Variants in TLX3 observed in about 807,000 individuals in gnomAD.
The protein encoded by TLX3 is T cell leukemia homeobox 3.
TLX3 carries 11 observed loss-of-function variants against 19.6 expected under a neutral mutation model. The ratio of observed to expected loss-of-function variants is 0.56; its 90% confidence interval spans 0.35 to 0.93. The LOEUF (loss-of-function observed/expected upper bound fraction) is 0.93, where lower values mean the gene tolerates loss of function less well. Ranked by LOEUF, TLX3 falls within the 40% of genes least tolerant of loss-of-function variation. The probability of loss-of-function intolerance (pLI) is 0.01; values close to 1 mark genes in which losing one functional copy is unlikely to be tolerated. For synonymous variants in TLX3, 221 were observed against 188.1 expected (o/e 1.17, Z -1.43); for missense variants, 375 against 418.6 (o/e 0.90, Z 0.91).
chr5:171,310,523 C>T lies in TLX3; in HGVS notation c.665+130C>T, dbSNP rs1050105164. ...CCCCCCTCTGCCTCCCCCAAACACACCCCCACCCCGCCTTCGCAGATTGTA... is the reference window on the plus strand; with the variant it reads ...CCCCCCTCTGCCTCCCCCAAACACATCCCCACCCCGCCTTCGCAGATTGTA... On this transcript the variant is annotated intron_variant, in intron 2 of 2. Transcript: ENST00000296921. The T allele has an allele frequency of 2.4e-5, 27 of 1,139,912 alleles. No homozygotes were observed. The African/African-American group carries it at 4.4e-4, about 18-fold the overall frequency. 70.6% of individuals were successfully genotyped at this position (1,139,912 alleles called of 1,614,324 possible). A position where few individuals can be genotyped will look rare whatever the true frequency, so the allele number is the denominator to read the frequency against.
At position 171,311,814 on chromosome 5, in the gene TLX3, C is replaced by G. The variant is rs896171799; in HGVS notation, c.*215C>G. 1 of 378,924 alleles carries G rather than the reference C, an allele frequency of 2.6e-6. No individual in the cohort carries two copies. The highest frequency in any genetic ancestry group is 2.1e-5 in the African/African-American group (1 of 47,070). The allele number at this position is 378,924 out of a possible 1,614,324, so 23.5% of individuals were successfully genotyped here. ...ACAATCCGAGCCCCCGCCCCGCGCCCCGTCCCGCCCCAGGCCCGGGCCTGA... is the reference window on the plus strand; with the variant it reads ...ACAATCCGAGCCCCCGCCCCGCGCCGCGTCCCGCCCCAGGCCCGGGCCTGA... On this transcript the variant is annotated 3_prime_UTR_variant, in exon 3 of 3. Coordinates refer to ENST00000296921, the MANE Select transcript of TLX3 (RefSeq NM_021025.4). The surrounding 1 kb of genome is among the most constrained non-coding windows in gnomAD (Gnocchi z 5.1).
chr5:171,312,117 A>G lies in TLX3; in HGVS notation c.*518A>G, dbSNP rs1769235136. ...TTTATTTAAGTCTTTTTATTTAATA[A>G]AAAAGTTAGCTATTTCACTTAACGC... On this transcript the variant is annotated 3_prime_UTR_variant, in exon 3 of 3. Coordinates refer to ENST00000296921, the MANE Select transcript of TLX3 (RefSeq NM_021025.4). The G allele has an allele frequency of 5.6e-6, 1 of 177,216 alleles. No individual in the cohort carries two copies. Among genetic ancestry groups the G allele is most frequent in the African/African-American group, 2.4e-5 (1 of 42,174 alleles). The allele number at this position is 177,216 out of a possible 1,614,324, so 11.0% of individuals were successfully genotyped here.
In TLX3 at chr5:171,311,197, A is replaced by G. The variant is rs1309109915; in HGVS notation, c.666-192A>G. 6.6e-6 allele frequency among the ~76,000 whole-genome samples: 1 copy of G among 152,176 alleles called. No individual in the cohort carries two copies. Among genetic ancestry groups the G allele is most frequent in the Non-Finnish European group, 1.5e-5 (1 of 68,014 alleles). On this transcript the variant is annotated intron_variant, in intron 2 of 2. Transcript: ENST00000296921. The surrounding 1 kb of genome is among the most constrained non-coding windows in gnomAD (Gnocchi z 5.1). Reference sequence around the variant, plus strand: ...CCTCCTGGAGACCCTCTGGCACACAACAAAAACAAATGATCCTAACCGGCT... The same window carrying G: ...CCTCCTGGAGACCCTCTGGCACACAGCAAAAACAAATGATCCTAACCGGCT...
rs1769235168 is a variant in TLX3 at position 171,312,119 on chromosome 5, A to C, written c.*520A>C. 1 of 177,028 alleles carries C rather than the reference A, an allele frequency of 5.6e-6. No individual in the cohort carries two copies. The highest frequency in any genetic ancestry group is 1.2e-5 in the Non-Finnish European group (1 of 81,970). The allele number at this position is 177,028 out of a possible 1,614,324, so 11.0% of individuals were successfully genotyped here. A position where few individuals can be genotyped will look rare whatever the true frequency, so the allele number is the denominator to read the frequency against. ...TATTTAAGTCTTTTTATTTAATAAA[A>C]AAGTTAGCTATTTCACTTAACGCCG... On this transcript the variant is annotated 3_prime_UTR_variant, in exon 3 of 3. Transcript: ENST00000296921.
chr5:171,310,459 C>T (rs1222379857), intron 2 of TLX3, 66 bp downstream of exon 2: 2 of 1,577,780 alleles, frequency 1.3e-6, no homozygotes, highest in Admixed American at 1.7e-5. Context: ...GAGCCGCAGC[C>T]TCGCACTAGC....
At position 171,309,302 on chromosome 5, in the gene TLX3, G is replaced by A; in HGVS notation, c.-64G>A. On this transcript the variant is annotated 5_prime_UTR_variant, in exon 1 of 3. Transcript: ENST00000296921. ...GAGAGGCGCCGGGCGCTCCATGGCC[G>A]CGCCGTAACGGGGACCCAGCCGCCT... The A allele has an allele frequency of 2.2e-6, 3 of 1,371,580 alleles. No homozygotes were observed. The highest frequency in any genetic ancestry group is 2.9e-6 in the Non-Finnish European group (3 of 1,044,376). The allele number at this position is 1,371,580 out of a possible 1,614,324, so 85.0% of individuals were successfully genotyped here.
chr5:171,309,345 C>CCCCCCCCCCCTG lies in TLX3; in HGVS notation c.-21_-20insCCCCCCCCCCTG. On this transcript the variant is annotated 5_prime_UTR_variant, in exon 1 of 3. Coordinates refer to ENST00000296921, the MANE Select transcript of TLX3 (RefSeq NM_021025.4). ...AGCCGCCTCCCCGCCCAGCCCAGCC[C>CCCCCCCCCCCTG]AGCCCTTCCGCCCGCCCAGGATGGA... 1 of 1,445,122 alleles carries CCCCCCCCCCCTG rather than the reference C, an allele frequency of 6.9e-7. No homozygotes were observed. The highest frequency in any genetic ancestry group is 9.5e-7 in the Non-Finnish European group (1 of 1,058,098). 89.5% of individuals were successfully genotyped at this position (1,445,122 alleles called of 1,614,324 possible). A position where few individuals can be genotyped will look rare whatever the true frequency, so the allele number is the denominator to read the frequency against.
chr5:171,310,410 C>T lies in TLX3; in HGVS notation c.665+17C>T. 6.2e-7 allele frequency: 1 copy of T among 1,611,256 alleles called. No homozygotes were observed. The highest frequency in any genetic ancestry group is 8.5e-7 in the Non-Finnish European group (1 of 1,178,756). ...CAAGTGGCGGTGAGAGAGGCCTGAC[C>T]CGGCCCACCTTACACCTGCCCTTCA... On this transcript the variant is annotated intron_variant, in intron 2 of 2. Coordinates refer to ENST00000296921, the MANE Select transcript of TLX3 (RefSeq NM_021025.4).
rs1359493444 is a variant in TLX3 at position 171,310,487 on chromosome 5, C to A, written c.665+94C>A. 6 of 1,457,616 alleles carry A rather than the reference C, an allele frequency of 4.1e-6. No homozygotes were observed. The African/African-American group carries it at 4.2e-5, about 10-fold the overall frequency. The allele number at this position is 1,457,616 out of a possible 1,614,324, so 90.3% of individuals were successfully genotyped here. A position where few individuals can be genotyped will look rare whatever the true frequency, so the allele number is the denominator to read the frequency against. On this transcript the variant is annotated intron_variant, in intron 2 of 2. Transcript: ENST00000296921. ...GCACTAGCCCTATTTTAAGGCTATCCACTACCCCCGCCCCCCTCTGCCTCC... is the reference window on the plus strand; with the variant it reads ...GCACTAGCCCTATTTTAAGGCTATCAACTACCCCCGCCCCCCTCTGCCTCC...
intron 2 of TLX3, 93 bp downstream of exon 2, chr5:171,310,486 C>CCACTA: frequency 6.9e-7 from 1 of 1,456,008 alleles, no homozygotes; most frequent in Non-Finnish European, 9.2e-7. Flanking sequence ...TTAAGGCTAT[C>CCACTA]CACTACCCCC....
At position 171,311,488 on chromosome 5, in the gene TLX3, C is replaced by CTT; in HGVS notation, c.765_766insTT (p.Ile256LeufsTer148). 1 of 1,612,298 alleles carries CTT rather than the reference C, an allele frequency of 6.2e-7. No homozygotes were observed. Among genetic ancestry groups the CTT allele is most frequent in the Non-Finnish European group, 8.5e-7 (1 of 1,179,298 alleles). On this transcript the variant is annotated frameshift_variant, in exon 3 of 3. Coordinates refer to ENST00000296921, the MANE Select transcript of TLX3 (RefSeq NM_021025.4). LOFTEE classifies it high-confidence loss of function. The surrounding 1 kb of genome is among the most constrained non-coding windows in gnomAD (Gnocchi z 5.1). ...CCTTCCAAAAGAGCCTCAACGACTC[C>CTT]ATCCAGCCTGACCCGCTCTGTCTGC...
rs775182186 is a variant in TLX3 at position 171,310,440 on chromosome 5, T to C, written c.665+47T>C. Reference sequence around the variant, plus strand: ...CCACCTTACACCTGCCCTTCACCTGTCCCGCCCCGAGCCGCAGCCTCGCAC... The same window carrying C: ...CCACCTTACACCTGCCCTTCACCTGCCCCGCCCCGAGCCGCAGCCTCGCAC... On this transcript the variant is annotated intron_variant, in intron 2 of 2. Coordinates refer to ENST00000296921, the MANE Select transcript of TLX3 (RefSeq NM_021025.4). 26 of 1,584,718 alleles carry C rather than the reference T, an allele frequency of 1.6e-5. No homozygotes were observed. The African/African-American group carries it at 3.0e-4, about 18-fold the overall frequency.
In TLX3 at chr5:171,311,355, T is replaced by C. The variant is rs1457886737; in HGVS notation, c.666-34T>C. The C allele has an allele frequency of 1.2e-5, 18 of 1,541,306 alleles. No homozygotes were observed. Among genetic ancestry groups the C allele is most frequent in the Admixed American group, 3.9e-5 (2 of 50,746 alleles). On this transcript the variant is annotated intron_variant, in intron 2 of 2. Transcript: ENST00000296921. The surrounding 1 kb of genome is among the most constrained non-coding windows in gnomAD (Gnocchi z 5.1). The stretch of plus-strand genomic sequence containing the variant: ...CGGCGGCCCCGCGGTGCCGGGTGCA[T>C]GACGGTACTGTCCCTCTCCCTCCCC...
In TLX3 at chr5:171,311,734, G is replaced by T. The variant is rs962826402; in HGVS notation, c.*135G>T. On this transcript the variant is annotated 3_prime_UTR_variant, in exon 3 of 3. Transcript: ENST00000296921. This position sits in a 1 kb window ranked among gnomAD's most constrained non-coding sequence, Gnocchi z 5.1. The stretch of plus-strand genomic sequence containing the variant: ...CTAGCCCGAGTAGGCCCCAGGGCGC[G>T]GCCACAGACTGGCGGGCCGCGGAAG... 2.0e-5 allele frequency: 12 copies of T among 608,772 alleles called. No individual in the cohort carries two copies. Among genetic ancestry groups the T allele is most frequent in the Non-Finnish European group, 2.7e-5 (10 of 375,434 alleles). 37.7% of individuals were successfully genotyped at this position (608,772 alleles called of 1,614,324 possible).
chr5:171,310,497 G>A, intron 2 of TLX3, 104 bp downstream of exon 2: 1 of 1,273,630 alleles, frequency 7.9e-7, no homozygotes, highest in Non-Finnish European at 1.0e-6. Flanking sequence ...CACTACCCCC[G>A]CCCCCCTCTG....
intron 1 of TLX3, 58 bp downstream of exon 1, chr5:171,309,844 G>C: frequency 6.7e-7 from 1 of 1,483,510 alleles, no homozygotes. Context: ...CAGAGGCGCC[G>C]CGCCCTGTGC....
Position 171,311,854 on chromosome 5 carries a change from A to G in TLX3, c.*255A>G. 3.2e-6 allele frequency: 1 copy of G among 316,364 alleles called. No individual in the cohort carries two copies. 19.6% of individuals were successfully genotyped at this position (316,364 alleles called of 1,614,324 possible). On this transcript the variant is annotated 3_prime_UTR_variant, in exon 3 of 3. Coordinates refer to ENST00000296921, the MANE Select transcript of TLX3 (RefSeq NM_021025.4). The surrounding 1 kb of genome is among the most constrained non-coding windows in gnomAD (Gnocchi z 5.1). The stretch of plus-strand genomic sequence containing the variant: ...CCCGGGCCTGACAAGAAAGCGCCTT[A>G]CGTTTCTCCGCCCCCCGCCCGCACC...
rs935090886 is a variant in TLX3 at position 171,311,798 on chromosome 5, G to T, written c.*199G>T. 5.4e-5 allele frequency: 21 copies of T among 388,572 alleles called. No homozygotes were observed. The highest frequency in any genetic ancestry group is 9.4e-5 in the Admixed American group (2 of 21,208). 24.1% of individuals were successfully genotyped at this position (388,572 alleles called of 1,614,324 possible). Reference sequence around the variant, plus strand: ...AGCTCCGCGCGGCCGCACAATCCGAGCCCCCGCCCCGCGCCCCGTCCCGCC... The same window carrying T: ...AGCTCCGCGCGGCCGCACAATCCGATCCCCCGCCCCGCGCCCCGTCCCGCC... On this transcript the variant is annotated 3_prime_UTR_variant, in exon 3 of 3. Coordinates refer to ENST00000296921, the MANE Select transcript of TLX3 (RefSeq NM_021025.4). The surrounding 1 kb of genome is among the most constrained non-coding windows in gnomAD (Gnocchi z 5.1).
At chr5:171,310,521 C>T (rs1769202157) in intron 2 of TLX3, 128 bp downstream of exon 2, 1 of 1,142,234 alleles carries the variant, frequency 8.8e-7, no homozygotes. Context: ...CCCCCAAACA[C>T]ACCCCCACCC....
Sources: gnomAD v4.1 joint callset for allele counts (sites outside exome capture counted in the v4.1 genomes callset) on GRCh38, gnomAD v4.1.1 for gene constraint, Gnocchi (gnomAD v3.1) non-coding constraint, MANE v1.5 for transcripts, NCBI Gene and HGNC (gene_info 2026-07-23, HGNC 2026-07-21) for gene names.